The following PPP1R9B variants were observed in gnomAD, a reference collection of about 807,000 sequenced individuals.
PPP1R9B encodes protein phosphatase 1 regulatory subunit 9B, also known as neurabin-2.
In PPP1R9B, 17 loss-of-function variants were observed where a neutral mutation model predicts 75.8. That is an observed-to-expected ratio of 0.22 (90% CI 0.15 to 0.34). PPP1R9B has a LOEUF of 0.34. Among genes scored for constraint, PPP1R9B ranks in the 10% least tolerant of loss-of-function variants. The probability of loss-of-function intolerance (pLI) is 1.00; values close to 1 mark genes in which losing one functional copy is unlikely to be tolerated. For synonymous variants in PPP1R9B, 509 were observed against 535.4 expected (o/e 0.95, Z 0.68); for missense variants, 875 against 1,196.0 (o/e 0.73, Z 3.96).
In PPP1R9B at chr17:50,141,384, G is replaced by A; in HGVS notation, c.1626-11C>T. On this transcript the variant is annotated splice_polypyrimidine_tract_variant and intron_variant, in intron 3 of 9. Coordinates refer to ENST00000612501, the MANE Select transcript of PPP1R9B (RefSeq NM_032595.5). ...TCATTCACCTGGATCCTAGCGGAGT[G>A]ACATTGGTTAAGGGGTCACAGGGGA... 4 of 1,557,562 alleles carry A rather than the reference G, an allele frequency of 2.6e-6. No homozygotes were observed. The highest frequency in any genetic ancestry group is 1.9e-5 in the Admixed American group (1 of 53,632).
At position 50,135,991 on chromosome 17, in the gene PPP1R9B, G is replaced by A. The variant is rs1453939314; in HGVS notation, c.2280C>T (p.Arg760=). The A allele has an allele frequency of 6.3e-7, 1 of 1,583,530 alleles. No homozygotes were observed. Among genetic ancestry groups the A allele is most frequent in the Non-Finnish European group, 8.6e-7 (1 of 1,164,812 alleles). Residue 760 remains arginine, a synonymous_variant, in exon 8 of 10, where the codon CGC becomes CGT. Transcript: ENST00000612501. ...ACTTCTGCTGGTAGTCCTTGATGAG[G>A]CGCTTGGCCTTGCTGTACTTGCGCT... ...ALERKYSKAK[R]LIKDYQQKEI...
intron 1 of PPP1R9B, among the ~76,000 whole-genome samples, chr17:50,147,470 C>CCA (rs1279279949): frequency 6.6e-6 from 1 of 152,210 alleles, no homozygotes; most frequent in Admixed American, 6.5e-5. Context: ...ACTGGGCCCG[C>CCA]CACACACGCT....
chr17:50,133,795 G>A lies in PPP1R9B; in HGVS notation c.*1536C>T, dbSNP rs1414962640. The stretch of plus-strand genomic sequence containing the variant: ...GAGGGCATGGTCCGTACAAAACCGG[G>A]AACAATACATACATATATATATTAT... On this transcript the variant is annotated 3_prime_UTR_variant, in exon 10 of 10. Transcript: ENST00000612501. 2 of 152,236 alleles carry A rather than the reference G, an allele frequency of 1.3e-5. No individual in the cohort carries two copies. The highest frequency in any genetic ancestry group is 2.9e-5 in the Non-Finnish European group (2 of 68,070). 9.4% of individuals were successfully genotyped at this position (152,236 alleles called of 1,614,324 possible). A position where few individuals can be genotyped will look rare whatever the true frequency, so the allele number is the denominator to read the frequency against.
chr17:50,141,152 GCAGAACCTCTGTGAGCTGGGCCAC>G (rs1912364995), intron 4 of PPP1R9B, 93 bp downstream of exon 4: 2 of 682,440 alleles, frequency 2.9e-6, no homozygotes, highest in Admixed American at 2.6e-5. Flanking sequence ...CAAGGAGTCA[GCAGAACCTCTGTGAGCTGGGCCAC>G]CAGAACCTTA....
At position 50,149,117 on chromosome 17, in the gene PPP1R9B, G is replaced by C. The variant is rs757999929; in HGVS notation, c.1371+26C>G. ...GCGTGCACGTGGCAGGGGCGGCGCG[G>C]GGGCAGGGCGGGGGGGCTCACTTAC... On this transcript the variant is annotated intron_variant, in intron 1 of 9. Transcript: ENST00000612501. The surrounding 1 kb of genome is among the most constrained non-coding windows in gnomAD (Gnocchi z 7.2). The C allele has an allele frequency of 7.2e-7, 1 of 1,388,694 alleles. No homozygotes were observed. The highest frequency in any genetic ancestry group is 9.3e-7 in the Non-Finnish European group (1 of 1,069,990). The allele number at this position is 1,388,694 out of a possible 1,614,324, so 86.0% of individuals were successfully genotyped here. A position where few individuals can be genotyped will look rare whatever the true frequency, so the allele number is the denominator to read the frequency against.
intron 7 of PPP1R9B, among the ~76,000 whole-genome samples, chr17:50,138,024 G>A (rs1464045285): frequency 6.6e-6 from 1 of 152,306 alleles, no homozygotes; most frequent in East Asian, 1.9e-4. Flanking sequence ...AGCCCCATAG[G>A]TACTGGGACT....
intron 3 of PPP1R9B, among the ~76,000 whole-genome samples, chr17:50,141,713 A>C (rs566269951): frequency 2.0e-5 from 3 of 151,864 alleles, no homozygotes; most frequent in Non-Finnish European, 4.4e-5. Context: ...ACAACAAAAA[A>C]CCTCACAGAT....
chr17:50,143,469 C>G, intron 3 of PPP1R9B, 129 bp downstream of exon 3: 1 of 1,196,118 alleles, frequency 8.4e-7, no homozygotes. Flanking sequence ...CCGAACATCT[C>G]AGCTGCACAC....
At position 50,136,190 on chromosome 17, in the gene PPP1R9B, C is replaced by T. The variant is rs1432693081; in HGVS notation, c.2081G>A (p.Ser694Asn). The T allele has an allele frequency of 2.5e-6, 4 of 1,600,218 alleles. No homozygotes were observed. Among genetic ancestry groups the T allele is most frequent in the Non-Finnish European group, 3.4e-6 (4 of 1,179,678 alleles). Residue 694 changes from serine to asparagine, a missense_variant, in exon 8 of 10, where the codon AGC (serine) becomes AAC (asparagine). By Grantham distance (46) the Ser-to-Asn change is conservative (BLOSUM62 1). Coordinates refer to ENST00000612501, the MANE Select transcript of PPP1R9B (RefSeq NM_032595.5). ...EIQQLKRKLQ[S>N]LEQEKGRWRV... is the part of the protein sequence containing the mutation. ...CCAGCGCCCCTTCTCCTGCTCCAGG[C>T]TCTGCAGCTGAGAGAGAAAGGCACG...
chr17:50,137,969 T>G (rs1912271128), intron 7 of PPP1R9B, among the ~76,000 whole-genome samples: 2 of 152,160 alleles, frequency 1.3e-5, no homozygotes, highest in African/African-American at 4.8e-5. Flanking sequence ...CACACTCCCA[T>G]GTCTGCAAGA....
At chr17:50,143,852 G>T (rs1598248164) in intron 2 of PPP1R9B, 134 bp from the exon 3 acceptor site, 1 of 1,273,680 alleles carries the variant, frequency 7.9e-7, no homozygotes, top group Non-Finnish European at 1.1e-6. Flanking sequence ...CTGAAGAAGG[G>T]ATATAGTTCT....
Position 50,134,087 on chromosome 17 carries a change from A to C in PPP1R9B, c.*1244T>G, listed in dbSNP as rs1912143066. On this transcript the variant is annotated 3_prime_UTR_variant, in exon 10 of 10. Transcript: ENST00000612501. The stretch of plus-strand genomic sequence containing the variant: ...TGGGATGGGTGGTCTGTTTTTAAAA[A>C]ATGAACAAAAACCCAGTTAGGGCAG... 6.5e-6 allele frequency: 1 copy of C among 152,684 alleles called. No individual in the cohort carries two copies. The highest frequency in any genetic ancestry group is 1.9e-4 in the East Asian group (1 of 5,190). The allele number at this position is 152,684 out of a possible 1,614,324, so 9.5% of individuals were successfully genotyped here.
intron 7 of PPP1R9B, among the ~76,000 whole-genome samples, chr17:50,138,310 C>A (rs926294096): frequency 6.6e-6 from 1 of 152,160 alleles, no homozygotes; most frequent in African/African-American, 2.4e-5. Flanking sequence ...GATGGCCATG[C>A]CTGTGTGTTT....
rs1223400990 is a variant in PPP1R9B at position 50,149,310 on chromosome 17, C to G, written c.1204G>C (p.Gly402Arg). The change falls in exon 1 of 10, where the codon GGG becomes CGG. Residue 402 changes from glycine (G) to arginine (R), a missense_variant. Coordinates refer to ENST00000612501, the MANE Select transcript of PPP1R9B (RefSeq NM_032595.5). This position sits in a 1 kb window ranked among gnomAD's most constrained non-coding sequence, Gnocchi z 7.2. ...AGGGCACTGCCCGCAGAGTCCTCCC[C>G]GAGCCCACTGTAGGCGCTCACGTCC... Reference protein sequence around the residue: ...LVDVSAYSGLGEDSAGSALEE... With the variant: ...LVDVSAYSGLREDSAGSALEE... 1.2e-6 allele frequency: 2 copies of G among 1,613,304 alleles called. No homozygotes were observed. Among genetic ancestry groups the G allele is most frequent in the East Asian group, 2.2e-5 (1 of 44,852 alleles).
chr17:50,143,714 G>A lies in PPP1R9B; in HGVS notation c.1509C>T (p.Ser503=), dbSNP rs199601113. Residue 503 remains serine (S), a synonymous_variant, in exon 3 of 10, where the codon TCC becomes TCT. Coordinates refer to ENST00000612501, the MANE Select transcript of PPP1R9B (RefSeq NM_032595.5). The part of the protein sequence containing the change: ...ELFPVELEKD[S]EGLGISIIGM... Reference sequence around the variant, plus strand: ...CGATGATGCTGATGCCCAGGCCCTCGGAGTCTGTGGAACAGAGAGTGGTGA... The same window carrying A: ...CGATGATGCTGATGCCCAGGCCCTCAGAGTCTGTGGAACAGAGAGTGGTGA... 1.8e-4 allele frequency: 292 copies of A among 1,613,814 alleles called. 1 individual carries two copies. In the African/African-American group the frequency reaches 2.2e-3, roughly 12 times the overall value.
rs908943230 is a variant in PPP1R9B at position 50,142,885 on chromosome 17, G to C, written c.1625+713C>G. ...GTCTCCAGAGCCACTGCCATCAATG[G>C]GTCTAGTCACAGCCTCCTGGCCCCT... On this transcript the variant is annotated intron_variant, in intron 3 of 9. Coordinates refer to ENST00000612501, the MANE Select transcript of PPP1R9B (RefSeq NM_032595.5). This position sits in a 1 kb window ranked among gnomAD's most constrained non-coding sequence, Gnocchi z 4.1. 3.9e-5 allele frequency among the ~76,000 whole-genome samples: 6 copies of C among 152,060 alleles called. No homozygotes were observed. Among genetic ancestry groups the C allele is most frequent in the Admixed American group, 3.9e-4 (6 of 15,268 alleles).
At chr17:50,141,213 G>A (rs1912366779) in intron 4 of PPP1R9B, 56 bp downstream of exon 4, 5 of 1,155,364 alleles carry the variant, frequency 4.3e-6, no homozygotes, top group Non-Finnish European at 6.2e-6. Context: ...GGTGAACGGA[G>A]TGCCTGGACG....
rs909440982 is a variant in PPP1R9B, at chr17:50,142,827, A to G, written c.1625+771T>C. Reference sequence around the variant, plus strand: ...CCTTGCAACCACAGATGCTCAATACAGGCACACACACTCACATGCGCAAAG... The same window carrying G: ...CCTTGCAACCACAGATGCTCAATACGGGCACACACACTCACATGCGCAAAG... On this transcript the variant is annotated intron_variant, in intron 3 of 9. Coordinates refer to ENST00000612501, the MANE Select transcript of PPP1R9B (RefSeq NM_032595.5). The surrounding 1 kb of genome is among the most constrained non-coding windows in gnomAD (Gnocchi z 4.1). Among the ~76,000 whole-genome samples the G allele has an allele frequency of 2.0e-5, 3 of 152,136 alleles. No homozygotes were observed. The highest frequency in any genetic ancestry group is 2.9e-5 in the Non-Finnish European group (2 of 68,022).
chr17:50,140,868 T>G (rs1354196235), intron 4 of PPP1R9B, among the ~76,000 whole-genome samples: 1 of 152,120 alleles, frequency 6.6e-6, no homozygotes, highest in East Asian at 1.9e-4. Flanking sequence ...GGGCGGAGTC[T>G]TCCCAGGATG....
Sources: gnomAD v4.1 joint callset for allele counts (sites outside exome capture counted in the v4.1 genomes callset) on GRCh38, gnomAD v4.1.1 for gene constraint, Gnocchi (gnomAD v3.1) non-coding constraint, MANE v1.5 for transcripts, NCBI Gene and HGNC (gene_info 2026-07-23, HGNC 2026-07-21) for gene names.